The following HPS1 variants were observed in gnomAD, a reference collection of about 807,000 sequenced individuals.
HPS1 encodes BLOC-3 complex member HPS1.
A neutral mutation model predicts 90.6 loss-of-function variants in HPS1; 59 were observed. That is an observed-to-expected ratio of 0.65 (90% confidence interval 0.53 to 0.81). The LOEUF is 0.81. Among genes scored for constraint, HPS1 ranks in the 30% least tolerant of loss-of-function variants. The pLI is 0.00. For missense variants in HPS1, 849 were observed against 896.7 expected (o/e 0.95, Z 0.68); for synonymous variants, 388 against 384.4 (o/e 1.01, Z -0.11).
chr10:98,442,430 T>C (rs1379281216), intron 3 of HPS1: 1 of 155,454 alleles, frequency 6.4e-6, no homozygotes, highest in Admixed American at 6.2e-5. Context: ...GCTTATCAAA[T>C]TATGCACTTT....
At chr10:98,421,827 G>A (rs1385458108) in intron 17 of HPS1, among the ~76,000 whole-genome samples, 3 of 152,206 alleles carry the variant, frequency 2.0e-5, no homozygotes, top group Non-Finnish European at 2.9e-5. Context: ...CTTGGGCTAA[G>A]TACTGCCCAA....
chr10:98,433,092 C>A (rs1352076617), intron 6 of HPS1, among the ~76,000 whole-genome samples: 1 of 151,956 alleles, frequency 6.6e-6, no homozygotes, highest in Non-Finnish European at 1.5e-5. Context: ...ATTAGCCAGG[C>A]GTGGTGGCAC....
In HPS1 at chr10:98,423,284, C is replaced by A. The variant is rs930210808; in HGVS notation, c.1598+319G>T. Among the ~76,000 whole-genome samples the A allele has an allele frequency of 2.7e-5, 4 of 147,476 alleles. No homozygotes were observed. The South Asian group carries it at 8.5e-4, about 31-fold the overall frequency. On this transcript the variant is annotated intron_variant, in intron 16 of 19. Transcript: ENST00000361490. ...AACCAAACTAGACCACAGGAACCCC[C>A]CCCCCGGTCCCCACCCCTCGTGGAA...
chr10:98,421,979 G>GACACAC (rs200573934), intron 17 of HPS1, among the ~76,000 whole-genome samples: 4,231 of 139,992 alleles, frequency 0.03, 174 homozygotes, highest in African/African-American at 0.094. Flanking sequence ...CACACACACA[G>GACACAC]ACACACACAC....
chr10:98,414,250 A>G (rs973443340), downstream of HPS1: 1 of 152,068 alleles, frequency 6.6e-6, no homozygotes, highest in Non-Finnish European at 1.5e-5. Flanking sequence ...CGGTCCCGTC[A>G]TTATCTCTGT....
At chr10:98,443,100 T>C (rs773104376) in intron 3 of HPS1, 24 bp downstream of exon 3, 30 of 1,513,302 alleles carry the variant, frequency 2.0e-5, no homozygotes, top group Non-Finnish European at 2.8e-5. Context: ...CCACCCCTCC[T>C]GGGACTGCCT....
chr10:98,418,286 GT>G lies in HPS1; in HGVS notation c.1858-30del, dbSNP rs750231032. 31 of 1,416,678 alleles carry G rather than the reference GT, an allele frequency of 2.2e-5. No homozygotes were observed. The African/African-American group carries it at 3.7e-4, about 17-fold the overall frequency. 87.8% of individuals were successfully genotyped at this position (1,416,678 alleles called of 1,614,324 possible). On this transcript the variant is annotated intron_variant, in intron 18 of 19. Transcript: ENST00000361490. ...AGGAGGGAGGACAGGGAGGCAGTGG[GT>G]GTGGGGGTAGTGCAAGGGCCTGAGT...
intron 18 of HPS1, among the ~76,000 whole-genome samples, chr10:98,419,158 C>T (rs1001791134): frequency 1.3e-5 from 2 of 151,932 alleles, no homozygotes; most frequent in Non-Finnish European, 2.9e-5. Context: ...TGGAGAGCCC[C>T]AGTAACCGCC....
In HPS1 at chr10:98,417,180, G is replaced by A. The variant is rs1372886133; in HGVS notation, c.*384C>T. 2 of 166,550 alleles carry A rather than the reference G, an allele frequency of 1.2e-5. No homozygotes were observed. Among genetic ancestry groups the A allele is most frequent in the Non-Finnish European group, 1.3e-5 (1 of 77,854 alleles). 10.3% of individuals were successfully genotyped at this position (166,550 alleles called of 1,614,324 possible). A position where few individuals can be genotyped will look rare whatever the true frequency, so the allele number is the denominator to read the frequency against. ...TGGCAGCGCTGGAATTCAAACCCAGGCAAAGGAGCACCTTTTACCTGGGGT... is the reference window on the plus strand; with the variant it reads ...TGGCAGCGCTGGAATTCAAACCCAGACAAAGGAGCACCTTTTACCTGGGGT... On this transcript the variant is annotated 3_prime_UTR_variant, in exon 20 of 20. Transcript: ENST00000361490. This position sits in a 1 kb window ranked among gnomAD's most constrained non-coding sequence, Gnocchi z 4.2.
In HPS1 at chr10:98,417,373, T is replaced by G; in HGVS notation, c.*191A>C. The G allele has an allele frequency of 1.8e-6, 1 of 562,114 alleles. No homozygotes were observed. Among genetic ancestry groups the G allele is most frequent in the East Asian group, 2.9e-5 (1 of 34,230 alleles). The allele number at this position is 562,114 out of a possible 1,614,324, so 34.8% of individuals were successfully genotyped here. A position where few individuals can be genotyped will look rare whatever the true frequency, so the allele number is the denominator to read the frequency against. ...TTCCCTCTTCCTCCAGAGAGAAGGA[T>G]CTGGGGCCTTGCTCAGTACCTGACA... On this transcript the variant is annotated 3_prime_UTR_variant, in exon 20 of 20. Coordinates refer to ENST00000361490, the MANE Select transcript of HPS1 (RefSeq NM_000195.5). This position sits in a 1 kb window ranked among gnomAD's most constrained non-coding sequence, Gnocchi z 4.2.
At chr10:98,422,938 C>G (rs1369609554) in intron 16 of HPS1, among the ~76,000 whole-genome samples, 2 of 152,136 alleles carry the variant, frequency 1.3e-5, no homozygotes, top group Non-Finnish European at 2.9e-5. Context: ...TTGGAAGGCT[C>G]CCATTTGGGA....
At chr10:98,430,721 G>T in intron 7 of HPS1, 51 bp from the exon 8 acceptor site, 2 of 1,447,840 alleles carry the variant, frequency 1.4e-6, no homozygotes, top group Non-Finnish European at 9.4e-7. Flanking sequence ...AGCAGGAGAC[G>T]GGGCAGGCAG....
chr10:98,415,192 G>GCTGC (rs1843969068), downstream of HPS1: 21 of 1,581,606 alleles, frequency 1.3e-5, no homozygotes, highest in Non-Finnish European at 1.8e-5. Flanking sequence ...TGGCTTTTGT[G>GCTGC]CTGCCCTAGG....
chr10:98,431,952 A>T (rs900523589), intron 6 of HPS1, among the ~76,000 whole-genome samples: 1 of 152,250 alleles, frequency 6.6e-6, no homozygotes, highest in African/African-American at 2.4e-5. Flanking sequence ...GTGCTAAGTT[A>T]CCAAAATCTG....
chr10:98,424,658 C>T (rs928446746), intron 13 of HPS1, among the ~76,000 whole-genome samples: 2 of 152,164 alleles, frequency 1.3e-5, no homozygotes, highest in Admixed American at 6.5e-5. Flanking sequence ...ACCAGGCCAG[C>T]CCCTCGGGGT....
At chr10:98,440,661 T>C (rs2136303668) in intron 3 of HPS1, among the ~76,000 whole-genome samples, 1 of 152,106 alleles carries the variant, frequency 6.6e-6, no homozygotes, top group Admixed American at 6.5e-5. Context: ...TATCTCTTTG[T>C]ATTTCCAAAT....
intron 17 of HPS1, among the ~76,000 whole-genome samples, chr10:98,421,309 T>C (rs966254624): frequency 2.0e-5 from 3 of 152,334 alleles, no homozygotes; most frequent in African/African-American, 7.2e-5. Flanking sequence ...GGAATCCATA[T>C]TGGGGACATA....
At chr10:98,421,977 CAG>C (rs959779117) in intron 17 of HPS1, among the ~76,000 whole-genome samples, 10 of 131,634 alleles carry the variant, frequency 7.6e-5, no homozygotes, top group African/African-American at 3.1e-4. Context: ...CACACACACA[CAG>C]ACACACACAC....
chr10:98,435,697 G>T lies in HPS1; in HGVS notation c.193C>A (p.Leu65Ile). 1 of 1,614,028 alleles carries T rather than the reference G, an allele frequency of 6.2e-7. No homozygotes were observed. The highest frequency in any genetic ancestry group is 8.5e-7 in the Non-Finnish European group (1 of 1,179,976). The change falls in exon 4 of 20, where the codon CTC becomes ATC. Residue 65 changes from leucine to isoleucine, a missense_variant. Leu to Ile is a conservative substitution (Grantham distance 5, BLOSUM62 2). Transcript: ENST00000361490. The surrounding 1 kb of genome is among the most constrained non-coding windows in gnomAD (Gnocchi z 4.3). The part of the protein sequence containing the change: ...IISSMTMLEK[L>I]SDTYTCFSTE... ...GAGAAGCAGGTGTAGGTGTCCGAGA[G>T]CTTCTCCAGCATCGTCATGGAGGAG...
Sources: gnomAD v4.1 joint callset for allele counts (sites outside exome capture counted in the v4.1 genomes callset) on GRCh38, gnomAD v4.1.1 for gene constraint, Gnocchi (gnomAD v3.1) non-coding constraint, MANE v1.5 for transcripts, NCBI Gene and HGNC (gene_info 2026-07-23, HGNC 2026-07-21) for gene names.